RAB30: variants seen among roughly 807,000 people sequenced by gnomAD.
The protein encoded by RAB30 is ras-related protein Rab-30.
RAB30 carries 9 observed loss-of-function variants against 25.1 expected under a neutral mutation model. The observed-to-expected ratio is 0.36, with a 90% CI of 0.22 to 0.63. The LOEUF (loss-of-function observed/expected upper bound fraction) is 0.63. Ranked by LOEUF, RAB30 falls within the 20% of genes least tolerant of loss-of-function variation. The pLI is 0.69. For synonymous variants in RAB30, 77 were observed against 86.4 expected (o/e 0.89, Z 0.60); for missense variants, 140 against 243.5 (o/e 0.58, Z 2.83).
chr11:83,038,291 T>C (rs900253399), intron 1 of RAB30, among the ~76,000 whole-genome samples: 4 of 152,316 alleles, frequency 2.6e-5, no homozygotes, highest in Admixed American at 6.5e-5. Flanking sequence ...ATAAAGTGAC[T>C]CCTAGTTCAT....
intron 1 of RAB30, among the ~76,000 whole-genome samples, chr11:83,014,675 A>AAAGAAAGG (rs1857388545): frequency 6.7e-6 from 1 of 149,714 alleles, no homozygotes; most frequent in African/African-American, 2.5e-5. Flanking sequence ...AGAAAGAAAG[A>AAAGAAAGG]AAGAAAGAAA....
In RAB30 at chr11:82,975,265, G is replaced by T. The variant is rs1322164609; in HGVS notation, c.*6900C>A. The T allele has an allele frequency of 6.6e-6, 1 of 152,160 alleles. No homozygotes were observed. Among genetic ancestry groups the T allele is most frequent in the East Asian group, 1.9e-4 (1 of 5,202 alleles). The allele number at this position is 152,160 out of a possible 1,614,324, so 9.4% of individuals were successfully genotyped here. On this transcript the variant is annotated 3_prime_UTR_variant, in exon 5 of 5. Transcript: ENST00000527633. ...GAATAAGAGAATATTTGTTGCTAAT[G>T]ATTACATTCCAGAAAGCAATATGTT...
intron 1 of RAB30, among the ~76,000 whole-genome samples, chr11:83,002,806 A>G (rs1370813011): frequency 2.0e-5 from 3 of 152,156 alleles, no homozygotes; most frequent in Admixed American, 2.0e-4. Context: ...ATAAATGAAT[A>G]AGTGGCCTTA....
At chr11:83,042,272 G>C (rs1177529253) in intron 1 of RAB30, among the ~76,000 whole-genome samples, 2 of 152,054 alleles carry the variant, frequency 1.3e-5, no homozygotes, top group Non-Finnish European at 2.9e-5. Context: ...ACAAATCTAG[G>C]CCAGTTGCAG....
At chr11:83,006,331 T>C (rs2121483190) in intron 1 of RAB30, among the ~76,000 whole-genome samples, 1 of 152,120 alleles carries the variant, frequency 6.6e-6, no homozygotes, top group East Asian at 1.9e-4. Context: ...TAGCAGAAAA[T>C]GGTTATATAG....
chr11:83,044,441 T>C (rs1203933336), intron 1 of RAB30, among the ~76,000 whole-genome samples: 4 of 152,194 alleles, frequency 2.6e-5, no homozygotes, highest in Non-Finnish European at 2.9e-5. Context: ...TTATGCCATA[T>C]AGAAAAATTC....
At position 82,978,478 on chromosome 11, in the gene RAB30, T is replaced by C. The variant is rs1227518585; in HGVS notation, c.*3687A>G. 3 of 149,148 alleles carry C rather than the reference T, an allele frequency of 2.0e-5. No individual in the cohort carries two copies. The highest frequency in any genetic ancestry group is 4.3e-4 in the South Asian group (2 of 4,696). The allele number at this position is 149,148 out of a possible 1,614,324, so 9.2% of individuals were successfully genotyped here. On this transcript the variant is annotated 3_prime_UTR_variant, in exon 5 of 5. Transcript: ENST00000527633. ...GTTGCTGGCTTAGTGGAGAAGGCCA[T>C]TGGTTTGATATGCAAAAAAAAAAAA... is the stretch of plus-strand genomic sequence containing the variant.
chr11:83,058,388 T>C (rs1858498756), intron 1 of RAB30, among the ~76,000 whole-genome samples: 1 of 152,258 alleles, frequency 6.6e-6, no homozygotes, highest in South Asian at 2.1e-4. Context: ...GATCATATGT[T>C]ACATTTAGTT....
chr11:83,007,707 C>T (rs11233409), intron 1 of RAB30, among the ~76,000 whole-genome samples: 5,360 of 152,236 alleles, frequency 0.035, 331 homozygotes, highest in African/African-American at 0.12. Flanking sequence ...ACTCCCCAGG[C>T]GGGGCTAATT....
chr11:83,001,221 G>C (rs935673374), intron 1 of RAB30, among the ~76,000 whole-genome samples: 3 of 152,118 alleles, frequency 2.0e-5, no homozygotes, highest in Non-Finnish European at 4.4e-5. Context: ...TTGTTTTTGA[G>C]ACAGGATCTT....
At chr11:82,982,716 G>T (rs1472525882) in intron 4 of RAB30, among the ~76,000 whole-genome samples, 1 of 152,070 alleles carries the variant, frequency 6.6e-6, no homozygotes, top group Non-Finnish European at 1.5e-5. Flanking sequence ...ACAAAAATTA[G>T]CCAGGTGTGG....
Position 82,974,556 on chromosome 11 carries a change from C to G in RAB30, c.*7609G>C, listed in dbSNP as rs756821194. ...TTGAAGTTGGTTAGATTTTATATAA[C>G]GCTGTATACAAATAATACTGATATC... On this transcript the variant is annotated 3_prime_UTR_variant, in exon 5 of 5. Transcript: ENST00000527633. 9 of 151,948 alleles carry G rather than the reference C, an allele frequency of 5.9e-5. No homozygotes were observed. Among genetic ancestry groups the G allele is most frequent in the African/African-American group, 1.7e-4 (7 of 41,368 alleles). 9.4% of individuals were successfully genotyped at this position (151,948 alleles called of 1,614,324 possible). A position where few individuals can be genotyped will look rare whatever the true frequency, so the allele number is the denominator to read the frequency against.
At chr11:83,003,714 C>T (rs1011954487) in intron 1 of RAB30, among the ~76,000 whole-genome samples, 2 of 152,038 alleles carry the variant, frequency 1.3e-5, no homozygotes, top group Admixed American at 1.3e-4. Context: ...AGCCACCACA[C>T]CTGGCTCTAG....
chr11:82,987,904 CTAAAAA>C (rs1856769826), intron 3 of RAB30, 134 bp from the exon 4 acceptor site: 6 of 81,850 alleles, frequency 7.3e-5, no homozygotes, highest in East Asian at 3.6e-4. Context: ...ATTTTCTGCC[CTAAAAA>C]AAAAAAAAAA....
intron 1 of RAB30, among the ~76,000 whole-genome samples, chr11:83,031,754 C>T (rs973329525): frequency 5.9e-5 from 9 of 152,024 alleles, no homozygotes; most frequent in Admixed American, 5.2e-4. Context: ...CTCGAACTCC[C>T]AACTTCAGGT....
intron 1 of RAB30, among the ~76,000 whole-genome samples, chr11:83,029,343 C>T (rs981167787): frequency 4.6e-5 from 7 of 151,918 alleles, no homozygotes; most frequent in African/African-American, 1.5e-4. Context: ...GATTTTGACA[C>T]GTTAACTTAA....
At chr11:82,998,446 G>A (rs1392532058) in intron 1 of RAB30, among the ~76,000 whole-genome samples, 1 of 151,622 alleles carries the variant, frequency 6.6e-6, no homozygotes, top group African/African-American at 2.4e-5. Flanking sequence ...TACTCAGGAG[G>A]CTGAGGCACA....
At chr11:83,033,253 C>T (rs1352547294) in intron 1 of RAB30, among the ~76,000 whole-genome samples, 2 of 149,216 alleles carry the variant, frequency 1.3e-5, no homozygotes, top group Non-Finnish European at 3.0e-5. Flanking sequence ...TTAGTAGAGA[C>T]GGGGGTTTCA....
chr11:82,992,260 A>AC (rs1258043407), intron 3 of RAB30: 2 of 453,976 alleles, frequency 4.4e-6, no homozygotes, highest in African/African-American at 2.0e-5. Flanking sequence ...CCTTCTTCCC[A>AC]CCCCCCACAC....
Sources: allele counts gnomAD v4.1 joint callset (sites outside exome capture counted in the v4.1 genomes callset), GRCh38; gene constraint gnomAD v4.1.1; transcripts MANE v1.5; gene names NCBI Gene and HGNC (gene_info 2026-07-23, HGNC 2026-07-21).